The following RORA variants were observed in gnomAD, a reference collection of about 807,000 sequenced individuals.
RORA encodes RAR related orphan receptor A.
Under a neutral mutation model 69.5 loss-of-function variants are expected in RORA, and 7 were observed. That is an observed-to-expected ratio of 0.10 (90% CI 0.06 to 0.19). The LOEUF (loss-of-function observed/expected upper bound fraction) is 0.19. RORA is among the 10% of genes least tolerant of loss of function. The pLI is 1.00. For synonymous variants in RORA, 261 were observed against 240.8 expected (o/e 1.08, Z -0.78); for missense variants, 457 against 663.0 (o/e 0.69, Z 3.41).
At chr15:60,707,118 T>C (rs1363062262) in intron 1 of RORA, among the ~76,000 whole-genome samples, 2 of 152,112 alleles carry the variant, frequency 1.3e-5, no homozygotes, top group Non-Finnish European at 2.9e-5. Flanking sequence ...TGGCCCTCAA[T>C]TGGCCACTGG....
chr15:60,845,733 G>A (rs146006303), intron 1 of RORA, among the ~76,000 whole-genome samples: 1 of 152,154 alleles, frequency 6.6e-6, no homozygotes, highest in South Asian at 2.1e-4. Context: ...ATACACCTCA[G>A]TATGTGAAGC....
intron 1 of RORA, among the ~76,000 whole-genome samples, chr15:60,944,220 T>C (rs946500852): frequency 1.3e-5 from 2 of 152,086 alleles, no homozygotes; most frequent in African/African-American, 2.4e-5. Flanking sequence ...ACCTGGGAAG[T>C]CTGATGTAAC....
intron 2 of RORA, among the ~76,000 whole-genome samples, chr15:60,586,018 T>C (rs340006): frequency 0.076 from 11,526 of 152,184 alleles, 564 homozygotes; most frequent in East Asian, 0.15. Context: ...GGCAGAAAAA[T>C]ACCTGAAATG....
chr15:61,167,661 T>G (rs566706476), intron 1 of RORA, among the ~76,000 whole-genome samples: 1 of 152,206 alleles, frequency 6.6e-6, no homozygotes, highest in Admixed American at 6.5e-5. Flanking sequence ...CCCACACTTA[T>G]GTTGAAAACC....
At chr15:60,875,791 C>T (rs929856771) in intron 1 of RORA, among the ~76,000 whole-genome samples, 2 of 152,218 alleles carry the variant, frequency 1.3e-5, no homozygotes, top group African/African-American at 4.8e-5. Context: ...TGAGAGAAGC[C>T]AATCCCTCTA....
intron 1 of RORA, among the ~76,000 whole-genome samples, chr15:61,053,441 A>G (rs530468454): frequency 1.3e-5 from 2 of 152,252 alleles, no homozygotes; most frequent in East Asian, 3.9e-4. Context: ...CTTGGGCAGC[A>G]GAGAAAGCTC....
At chr15:60,889,577 A>G (rs948320886) in intron 1 of RORA, among the ~76,000 whole-genome samples, 5 of 152,224 alleles carry the variant, frequency 3.3e-5, no homozygotes, top group Non-Finnish European at 1.5e-5. Flanking sequence ...TGGAGAGAAG[A>G]GCATCAGAGG....
At chr15:60,841,135 G>A (rs2073192198) in intron 1 of RORA, 3 of 968,180 alleles carry the variant, frequency 3.1e-6, no homozygotes, top group South Asian at 4.8e-5. Context: ...ACTTTTTCTT[G>A]TTTTCTCTCC....
chr15:60,826,510 G>C (rs1377000300), intron 1 of RORA, among the ~76,000 whole-genome samples: 2 of 152,174 alleles, frequency 1.3e-5, no homozygotes, highest in Non-Finnish European at 2.9e-5. Flanking sequence ...GCAATGCTGA[G>C]TCCTGCACCA....
chr15:60,507,372 G>A (rs75885074), intron 5 of RORA, among the ~76,000 whole-genome samples: 1 of 152,310 alleles, frequency 6.6e-6, no homozygotes, highest in African/African-American at 2.4e-5. Context: ...AGACTTGTTT[G>A]TGTGAAAACA....
chr15:60,747,944 A>G (rs765938198), intron 1 of RORA, among the ~76,000 whole-genome samples: 46 of 152,202 alleles, frequency 3.0e-4, no homozygotes, highest in Non-Finnish European at 5.4e-4. Flanking sequence ...CCCAATGCAT[A>G]AATGTTTAAA....
intron 1 of RORA, among the ~76,000 whole-genome samples, chr15:61,044,179 G>A (rs1038351070): frequency 2.0e-5 from 3 of 152,150 alleles, no homozygotes; most frequent in Non-Finnish European, 4.4e-5. Context: ...CTTGTGTCCT[G>A]AGGTTTTTAT....
intron 6 of RORA, among the ~76,000 whole-genome samples, chr15:60,503,916 C>A (rs2065410806): frequency 6.6e-6 from 1 of 152,148 alleles, no homozygotes; most frequent in Non-Finnish European, 1.5e-5. Context: ...GATTGTCCTG[C>A]CTCAGCCTCC....
intron 1 of RORA, among the ~76,000 whole-genome samples, chr15:60,727,990 TC>T (rs2071383117): frequency 6.6e-6 from 1 of 152,116 alleles, no homozygotes; most frequent in African/African-American, 2.4e-5. Context: ...ATGGGCTACA[TC>T]CCCACTTTAA....
intron 1 of RORA, among the ~76,000 whole-genome samples, chr15:61,193,516 C>T (rs1476608134): frequency 6.6e-6 from 1 of 152,160 alleles, no homozygotes; most frequent in African/African-American, 2.4e-5. Context: ...CTTTGACTCC[C>T]TGGATCCAGC....
chr15:61,125,704 T>C (rs559737168), intron 1 of RORA, among the ~76,000 whole-genome samples: 53 of 152,370 alleles, frequency 3.5e-4, no homozygotes, highest in Admixed American at 7.2e-4. Context: ...TTTCTTGTTC[T>C]GTCCTTCCTC....
rs563773313 is a variant in RORA, at chr15:60,595,678, G to A, written c.197-63827C>T. On this transcript the variant is annotated intron_variant, in intron 2 of 10. Coordinates refer to ENST00000335670, the MANE Select transcript of RORA (RefSeq NM_134261.3). ...TATTCTTTCTTTTTCTTTTTACCAAGTGTTCTGAAAAAAAAAAAAAAGTAA... is the reference window on the plus strand; with the variant it reads ...TATTCTTTCTTTTTCTTTTTACCAAATGTTCTGAAAAAAAAAAAAAAGTAA... Among the ~76,000 whole-genome samples, 4 of 113,986 alleles carry A rather than the reference G, an allele frequency of 3.5e-5. No individual in the cohort carries two copies. In the South Asian group the frequency reaches 1.2e-3, roughly 34 times the overall value. The allele number at this position is 113,986 out of a possible 152,430, so 74.8% of individuals were successfully genotyped here.
At chr15:60,607,555 G>A (rs972902934) in intron 2 of RORA, among the ~76,000 whole-genome samples, 2 of 152,080 alleles carry the variant, frequency 1.3e-5, no homozygotes, top group Non-Finnish European at 2.9e-5. Context: ...GAAGCATACT[G>A]GAAAAATAAA....
chr15:60,879,498 T>G (rs2073655627), intron 1 of RORA, among the ~76,000 whole-genome samples: 1 of 152,156 alleles, frequency 6.6e-6, no homozygotes, highest in South Asian at 2.1e-4. Context: ...AGCAAATAAC[T>G]GTCAAAAGTC....
Sources: allele counts gnomAD v4.1 joint callset (sites outside exome capture counted in the v4.1 genomes callset), GRCh38; gene constraint gnomAD v4.1.1; transcripts MANE v1.5; gene names NCBI Gene and HGNC (gene_info 2026-07-23, HGNC 2026-07-21).